The following PPP2R3C variants were observed in gnomAD, a reference collection of about 807,000 sequenced individuals.
PPP2R3C encodes the protein serine/threonine-protein phosphatase 2A regulatory subunit B'' subunit gamma.
PPP2R3C carries 47 observed loss-of-function variants against 63.7 expected under a neutral mutation model. The observed-to-expected ratio is 0.74, with a 90% CI of 0.58 to 0.94. The LOEUF is 0.94. Ranked by LOEUF, PPP2R3C falls within the 40% of genes least tolerant of loss-of-function variation. PPP2R3C has a pLI of 0.00. For missense variants in PPP2R3C, 421 were observed against 518.4 expected, an observed-to-expected ratio of 0.81 and a Z score of 1.82; for synonymous variants, 180 against 177.4, an observed-to-expected ratio of 1.01 and a Z score of -0.12.
chr14:35,119,162 C>T (rs888371236), intron 1 of PPP2R3C, among the ~76,000 whole-genome samples: 2 of 151,898 alleles, frequency 1.3e-5, no homozygotes, highest in Admixed American at 1.3e-4. Context: ...TTCAGCCTCC[C>T]AAGTAGCTGG....
rs952852661 is a variant in PPP2R3C at position 35,091,331 on chromosome 14, G to C, written c.976-124C>G. ...AAATTTAATTTTTTCCCTAAGTTAT[G>C]ATATGAGAAATCCATTTATATACTT... On this transcript the variant is annotated intron_variant, in intron 10 of 12. Transcript: ENST00000261475. The C allele has an allele frequency of 8.7e-4, 815 of 939,376 alleles. 12 individuals are homozygous for C. Among genetic ancestry groups the C allele is most frequent in the Non-Finnish European group, 4.4e-5 (29 of 658,532 alleles). 58.2% of individuals were successfully genotyped at this position (939,376 alleles called of 1,614,324 possible).
In PPP2R3C at chr14:35,116,613, A is replaced by G. The variant is rs370666182; in HGVS notation, c.183T>C (p.Tyr61=). The change falls in exon 2 of 13, where the codon TAT becomes TAC. Residue 61 remains tyrosine, a synonymous_variant. Coordinates refer to ENST00000261475, the MANE Select transcript of PPP2R3C (RefSeq NM_017917.4). ...EFYKTIPRFY[Y]RLPAEDEVLL... is the part of the protein sequence containing the mutation. ...CATTTGATTAGACACTACTTACCCT[A>G]TAATAAAACCGGGGAATGGTCTTAT... The G allele has an allele frequency of 1.9e-6, 3 of 1,588,904 alleles. No individual in the cohort carries two copies. The highest frequency in any genetic ancestry group is 1.1e-5 in the South Asian group (1 of 87,816).
chr14:35,105,744 G>A (rs1230165234), intron 6 of PPP2R3C, among the ~76,000 whole-genome samples: 10 of 152,120 alleles, frequency 6.6e-5, no homozygotes, highest in Middle Eastern at 3.4e-3. Flanking sequence ...TTGTGTAGTC[G>A]TGCATAGAAT....
intron 8 of PPP2R3C, 28 bp from the exon 9 acceptor site, chr14:35,096,661 A>ACT: frequency 6.2e-7 from 1 of 1,610,330 alleles, no homozygotes. Context: ...CATAATTAGA[A>ACT]GATAGCAACT....
At chr14:35,108,404 T>A (rs992512357) in intron 4 of PPP2R3C, among the ~76,000 whole-genome samples, 168 bp from the exon 5 acceptor site, 10 of 151,804 alleles carry the variant, frequency 6.6e-5, no homozygotes, top group African/African-American at 2.2e-4. Flanking sequence ...TTTTTTTTTT[T>A]TAAAAGAAAT....
intron 2 of PPP2R3C, among the ~76,000 whole-genome samples, chr14:35,115,297 G>C (rs963596663): frequency 6.6e-6 from 1 of 151,220 alleles, no homozygotes; most frequent in Non-Finnish European, 1.5e-5. Flanking sequence ...TGAGTAGCGG[G>C]GACTACAGGT....
intron 4 of PPP2R3C, among the ~76,000 whole-genome samples, chr14:35,108,736 C>G (rs2046443199): frequency 6.6e-6 from 1 of 151,768 alleles, no homozygotes; most frequent in African/African-American, 2.4e-5. Context: ...CGCCACTCCC[C>G]TGCAGCCTAG....
At chr14:35,105,482 A>G (rs1182119319) in intron 6 of PPP2R3C, among the ~76,000 whole-genome samples, 2 of 151,808 alleles carry the variant, frequency 1.3e-5, no homozygotes, top group East Asian at 1.9e-4. Context: ...CGCCCAGCCA[A>G]AAGGCCTTTT....
chr14:35,112,727 A>C (rs2046602509), intron 2 of PPP2R3C: 1 of 152,136 alleles, frequency 6.6e-6, no homozygotes, highest in African/African-American at 2.4e-5. Context: ...ATCAACACAG[A>C]CTTTAAGTCT....
intron 6 of PPP2R3C, among the ~76,000 whole-genome samples, chr14:35,106,808 CA>C (rs1480549704): frequency 3.3e-5 from 5 of 151,278 alleles, no homozygotes; most frequent in Non-Finnish European, 7.4e-5. Context: ...GCTGGGATTA[CA>C]GGTATGTGCC....
chr14:35,115,132 G>A (rs920029298), intron 2 of PPP2R3C, among the ~76,000 whole-genome samples: 1 of 150,982 alleles, frequency 6.6e-6, no homozygotes, highest in Non-Finnish European at 1.5e-5. Context: ...CCCTACCATT[G>A]CCAGGTTGTA....
chr14:35,103,621 G>A (rs2046261027), intron 6 of PPP2R3C, among the ~76,000 whole-genome samples: 1 of 152,060 alleles, frequency 6.6e-6, no homozygotes, highest in Non-Finnish European at 1.5e-5. Context: ...AGGTTTTAAA[G>A]TATAACATTT....
rs1473044054 is a variant in PPP2R3C, at chr14:35,091,053, A to C, written c.1113+17T>G. 1 of 1,590,538 alleles carries C rather than the reference A, an allele frequency of 6.3e-7. No homozygotes were observed. The highest frequency in any genetic ancestry group is 8.6e-7 in the Non-Finnish European group (1 of 1,163,506). On this transcript the variant is annotated intron_variant, in intron 11 of 12. Coordinates refer to ENST00000261475, the MANE Select transcript of PPP2R3C (RefSeq NM_017917.4). ...TATCTTAAGGAACAATGACTCACTT[A>C]TGCAAATGAGACTTACCCTAAAGAA...
At chr14:35,114,254 T>C (rs2046644079) in intron 2 of PPP2R3C, among the ~76,000 whole-genome samples, 1 of 152,248 alleles carries the variant, frequency 6.6e-6, no homozygotes. Flanking sequence ...TGTTGGGTGA[T>C]GTTGTCATGG....
At chr14:35,110,478 A>G in intron 3 of PPP2R3C, 47 bp downstream of exon 3, 1 of 1,288,676 alleles carries the variant, frequency 7.8e-7, no homozygotes, top group Non-Finnish European at 1.1e-6. Context: ...AAGTAGCACA[A>G]ATGAGAAATG....
Position 35,095,237 on chromosome 14 carries a change from GAAGAA to G in PPP2R3C, c.839-58_839-54del, listed in dbSNP as rs1312383653. On this transcript the variant is annotated intron_variant, in intron 9 of 12. Coordinates refer to ENST00000261475, the MANE Select transcript of PPP2R3C (RefSeq NM_017917.4). ...TATGACCACAATAAAATTTTAATCA[GAAGAA>G]TAGACTAACAAAAAGTTTTTTCTTG... The G allele has an allele frequency of 2.6e-6, 4 of 1,557,692 alleles. No individual in the cohort carries two copies. The African/African-American group carries it at 5.5e-5, about 21-fold the overall frequency.
intron 11 of PPP2R3C, among the ~76,000 whole-genome samples, chr14:35,088,512 T>G (rs759922003): frequency 5.9e-5 from 9 of 151,748 alleles, no homozygotes; most frequent in Non-Finnish European, 1.0e-4. Flanking sequence ...AACAAAAAAA[T>G]GAAGAAACTG....
At chr14:35,117,836 G>A (rs1346028881) in intron 1 of PPP2R3C, among the ~76,000 whole-genome samples, 1 of 151,780 alleles carries the variant, frequency 6.6e-6, no homozygotes. Flanking sequence ...CTGGGATTAC[G>A]GGCATGTGCC....
intron 6 of PPP2R3C, chr14:35,102,076 G>A (rs1360062691): frequency 1.3e-5 from 2 of 149,504 alleles, no homozygotes; most frequent in African/African-American, 5.0e-5. Context: ...GTCCAGGCTG[G>A]AGTGCAGTGG....
Sources: gnomAD v4.1 joint callset for allele counts (sites outside exome capture counted in the v4.1 genomes callset) on GRCh38, gnomAD v4.1.1 for gene constraint, MANE v1.5 for transcripts, NCBI Gene and HGNC (gene_info 2026-07-23, HGNC 2026-07-21) for gene names.